The following SDK1 variants were observed in gnomAD, a reference collection of about 807,000 sequenced individuals.
SDK1 encodes protein sidekick-1.
SDK1 carries 157 observed loss-of-function variants against 245.5 expected under a neutral mutation model. The ratio of observed to expected loss-of-function variants is 0.64; its 90% CI spans 0.56 to 0.73. The LOEUF (loss-of-function observed/expected upper bound fraction) is 0.73. Among genes scored for constraint, SDK1 ranks in the 30% least tolerant of loss-of-function variants. The pLI is 0.00. For missense variants in SDK1, 3,583 were observed against 3,002.3 expected (o/e 1.19, Z -4.52); for synonymous variants, 1,647 against 1,278.5 (o/e 1.29, Z -6.15).
At chr7:3,566,805 G>C (rs1266913425) in intron 1 of SDK1, among the ~76,000 whole-genome samples, 1 of 150,866 alleles carries the variant, frequency 6.6e-6, no homozygotes, top group South Asian at 2.1e-4. Context: ...GAACGCAAAA[G>C]GCTAACCAGC....
chr7:3,605,627 CT>C (rs967666115), intron 1 of SDK1, among the ~76,000 whole-genome samples: 6 of 151,048 alleles, frequency 4.0e-5, no homozygotes, highest in East Asian at 3.9e-4. Context: ...TTTAATTTTC[CT>C]TTTTTTTTCC....
At chr7:4,020,537 G>T (rs920152014) in intron 17 of SDK1, among the ~76,000 whole-genome samples, 1 of 152,198 alleles carries the variant, frequency 6.6e-6, no homozygotes, top group African/African-American at 2.4e-5. Flanking sequence ...TGCTTGCCTG[G>T]CTCTGGAGGG....
chr7:3,554,576 A>AT (rs1779522546), intron 1 of SDK1, among the ~76,000 whole-genome samples: 1 of 152,210 alleles, frequency 6.6e-6, no homozygotes, highest in South Asian at 2.1e-4. Flanking sequence ...CACAGAAAAA[A>AT]TCATCTTCAT....
At chr7:3,949,125 C>T (rs1410726035) in intron 5 of SDK1, among the ~76,000 whole-genome samples, 1 of 152,164 alleles carries the variant, frequency 6.6e-6, no homozygotes, top group Non-Finnish European at 1.5e-5. Context: ...GCGAAGGCGT[C>T]AGCAGGAAGG....
chr7:3,797,637 T>C (rs1778995187), intron 4 of SDK1, among the ~76,000 whole-genome samples: 2 of 152,106 alleles, frequency 1.3e-5, no homozygotes, highest in Admixed American at 6.5e-5. Context: ...TAATCTCCCA[T>C]GCTATGTATG....
rs371520966 is a variant in SDK1, at chr7:4,011,044, G to A, written c.2210G>A (p.Arg737His). ...GVTVSGLTPA[R>H]TYQFRVCAVN... ...ACCGTGAGTGGCCTGACTCCGGCTC[G>A]TACCTATCAATTCCGGGTGTGCGCG... Residue 737 changes from arginine to histidine, a missense_variant, in exon 15 of 45, where the codon CGT becomes CAT. By Grantham distance (29) the Arg-to-His change is conservative (BLOSUM62 0). Coordinates refer to ENST00000404826, the MANE Select transcript of SDK1 (RefSeq NM_152744.4). 36 of 1,614,052 alleles carry A rather than the reference G, an allele frequency of 2.2e-5. No individual in the cohort carries two copies. Among genetic ancestry groups the A allele is most frequent in the Non-Finnish European group, 3.0e-5 (35 of 1,180,050 alleles).
chr7:3,693,325 T>A (rs943992711), intron 4 of SDK1, among the ~76,000 whole-genome samples: 6 of 152,182 alleles, frequency 3.9e-5, no homozygotes, highest in Non-Finnish European at 8.8e-5. Context: ...TCCCTCTCGT[T>A]ATTTGGTTTG....
intron 17 of SDK1, among the ~76,000 whole-genome samples, chr7:4,029,742 C>T (rs765816892): frequency 2.0e-5 from 3 of 152,114 alleles, no homozygotes; most frequent in Non-Finnish European, 4.4e-5. Context: ...TGGGCAGTAC[C>T]GTCTGTGACT....
chr7:3,571,930 C>G (rs940440980), intron 1 of SDK1, among the ~76,000 whole-genome samples: 1 of 152,066 alleles, frequency 6.6e-6, no homozygotes, highest in Non-Finnish European at 1.5e-5. Flanking sequence ...TCTTTCCATC[C>G]CATCCCATCC....
chr7:3,550,500 G>A (rs1779367281), intron 1 of SDK1, among the ~76,000 whole-genome samples: 1 of 152,162 alleles, frequency 6.6e-6, no homozygotes, highest in African/African-American at 2.4e-5. Context: ...CCACTGCTGG[G>A]TGCTCATTGC....
chr7:3,806,234 T>G lies in SDK1; in HGVS notation c.714-15216T>G, dbSNP rs146882240. The stretch of plus-strand genomic sequence containing the variant: ...TCTTCCCATCTTTAGATCCTTAACC[T>G]CACCATATCTGCAAAGTCCCTTTCC... On this transcript the variant is annotated intron_variant, in intron 4 of 44. Coordinates refer to ENST00000404826, the MANE Select transcript of SDK1 (RefSeq NM_152744.4). Among the ~76,000 whole-genome samples, 46 of 152,334 alleles carry G rather than the reference T, an allele frequency of 3.0e-4. 1 individual carries two copies. In the East Asian group the frequency reaches 7.7e-3, roughly 26 times the overall value.
intron 22 of SDK1, among the ~76,000 whole-genome samples, chr7:4,080,119 AT>A (rs1490635896): frequency 6.6e-6 from 1 of 152,090 alleles, no homozygotes; most frequent in African/African-American, 2.4e-5. Context: ...AAGCTGTTAT[AT>A]TTGAGGGACA....
At chr7:3,516,892 C>A (rs1282420328) in intron 1 of SDK1, among the ~76,000 whole-genome samples, 5 of 152,210 alleles carry the variant, frequency 3.3e-5, no homozygotes, top group African/African-American at 9.6e-5. Context: ...AAAAAGTGCT[C>A]ATTTCAAGGG....
chr7:3,456,525 G>T (rs1486489974), intron 1 of SDK1, among the ~76,000 whole-genome samples: 4 of 152,022 alleles, frequency 2.6e-5, no homozygotes, highest in African/African-American at 9.7e-5. Context: ...TTATCTTTCA[G>T]TTATTGTATT....
intron 4 of SDK1, among the ~76,000 whole-genome samples, chr7:3,738,586 A>G (rs1191676652): frequency 6.6e-6 from 1 of 152,216 alleles, no homozygotes; most frequent in East Asian, 1.9e-4. Context: ...GCCATTAGGA[A>G]TTTTAGCAGG....
chr7:3,794,283 A>G (rs1168262270), intron 4 of SDK1, among the ~76,000 whole-genome samples: 1 of 152,096 alleles, frequency 6.6e-6, no homozygotes. Flanking sequence ...ACAGACACTG[A>G]CCTGAACTTG....
intron 28 of SDK1, among the ~76,000 whole-genome samples, chr7:4,140,895 A>T (rs1779538590): frequency 1.3e-5 from 2 of 152,192 alleles, no homozygotes; most frequent in Admixed American, 1.3e-4. Flanking sequence ...TGAGCCGAGG[A>T]GTTCAAGACC....
At chr7:3,581,670 C>T (rs997647549) in intron 1 of SDK1, among the ~76,000 whole-genome samples, 3 of 152,194 alleles carry the variant, frequency 2.0e-5, no homozygotes, top group Non-Finnish European at 4.4e-5. Flanking sequence ...GAATGTAAAT[C>T]GTTCTACGAC....
At chr7:3,434,186 C>A (rs1173121894) in intron 1 of SDK1, among the ~76,000 whole-genome samples, 1 of 152,076 alleles carries the variant, frequency 6.6e-6, no homozygotes, top group Non-Finnish European at 1.5e-5. Context: ...GGCTCAGTAG[C>A]TGTACTACTC....
Sources: gnomAD v4.1 joint callset for allele counts (sites outside exome capture counted in the v4.1 genomes callset) on GRCh38, gnomAD v4.1.1 for gene constraint, MANE v1.5 for transcripts, NCBI Gene and HGNC (gene_info 2026-07-23, HGNC 2026-07-21) for gene names.